LRP1B: variants seen among roughly 807,000 people sequenced by gnomAD.
LRP1B encodes low-density lipoprotein receptor-related protein 1B.
In LRP1B, 217 loss-of-function variants were observed where a neutral mutation model predicts 556.6. The observed-to-expected ratio is 0.39, with a 90% CI of 0.35 to 0.44. The LOEUF is 0.44. Among genes scored for constraint, LRP1B ranks in the 20% least tolerant of loss-of-function variants. LRP1B has a pLI of 1.00. For missense variants in LRP1B, 5,053 were observed against 5,620.8 expected, an observed-to-expected ratio of 0.90 and a Z score of 3.23; for synonymous variants, 2,047 against 1,865.8, an observed-to-expected ratio of 1.10 and a Z score of -2.50.
chr2:140,751,975 A>AT (rs1156681122), intron 35 of LRP1B, among the ~76,000 whole-genome samples: 3 of 151,968 alleles, frequency 2.0e-5, no homozygotes, highest in Admixed American at 6.6e-5. Context: ...TATAGACAGC[A>AT]TTTTTTTTAG....
At chr2:141,839,665 T>C (rs537832277) in intron 1 of LRP1B, among the ~76,000 whole-genome samples, 10 of 152,264 alleles carry the variant, frequency 6.6e-5, no homozygotes, top group African/African-American at 2.2e-4. Flanking sequence ...ATTTCAACTT[T>C]AGCAAGACCT....
chr2:140,972,719 A>AATAGTTTGC (rs386391359), intron 18 of LRP1B, among the ~76,000 whole-genome samples: 5 of 11,834 alleles, frequency 4.2e-4, no homozygotes, highest in African/African-American at 7.9e-4. Context: ...TTGTTAAAAC[A>AATAGTTTGC]ATAGTTTGTC....
At chr2:141,221,957 T>G (rs747244195) in intron 6 of LRP1B, among the ~76,000 whole-genome samples, 2 of 152,122 alleles carry the variant, frequency 1.3e-5, no homozygotes, top group Non-Finnish European at 2.9e-5. Flanking sequence ...TAGCACTAAG[T>G]GCCCACATCA....
At chr2:140,737,736 A>G in intron 35 of LRP1B, among the ~76,000 whole-genome samples, 1 of 152,132 alleles carries the variant, frequency 6.6e-6, no homozygotes. Context: ...GTCACAATGA[A>G]AGACAGGGTG....
chr2:141,247,446 A>G (rs1435951430), intron 4 of LRP1B, 92 bp from the exon 5 acceptor site: 2 of 1,480,586 alleles, frequency 1.4e-6, no homozygotes, highest in Admixed American at 1.9e-5. Context: ...AACTTCGGAA[A>G]TAGACTATTA....
At chr2:140,529,442 G>GGGGGA (rs1553481433) in intron 47 of LRP1B, among the ~76,000 whole-genome samples, 9 of 149,890 alleles carry the variant, frequency 6.0e-5, no homozygotes, top group African/African-American at 2.0e-4. Context: ...AGGGGGGGGG[G>GGGGGA]AAGCATTAAG....
rs1259386547 is a variant in LRP1B, at chr2:140,736,886, G to A, written c.5759-20070C>T. ...AGAGGTCAGATCGTTGTGCTTACCT[G>A]CCAGAAACCAAAAGGCCGTAACTAC... is the stretch of plus-strand genomic sequence containing the variant. On this transcript the variant is annotated intron_variant, in intron 35 of 90. Coordinates refer to ENST00000389484, the MANE Select transcript of LRP1B (RefSeq NM_018557.3). Among the ~76,000 whole-genome samples, 5 of 152,070 alleles carry A rather than the reference G, an allele frequency of 3.3e-5. No homozygotes were observed. In the South Asian group the frequency reaches 1.0e-3, roughly 31 times the overall value.
intron 6 of LRP1B, among the ~76,000 whole-genome samples, chr2:141,216,870 C>A (rs1682837641): frequency 6.6e-6 from 1 of 151,986 alleles, no homozygotes; most frequent in African/African-American, 2.4e-5. Context: ...ATGCATATAC[C>A]TCCATTGTAT....
intron 3 of LRP1B, among the ~76,000 whole-genome samples, chr2:141,454,065 C>T (rs1454233965): frequency 6.6e-6 from 1 of 152,072 alleles, no homozygotes; most frequent in Non-Finnish European, 1.5e-5. Context: ...GCCAACCTTG[C>T]CCCCAAATAT....
chr2:141,143,811 T>C (rs185459095), intron 7 of LRP1B, among the ~76,000 whole-genome samples: 5 of 149,826 alleles, frequency 3.3e-5, no homozygotes, highest in African/African-American at 1.2e-4. Context: ...ACATCAGAAT[T>C]TATCTGTCAA....
chr2:140,957,602 C>T (rs1345693588), intron 18 of LRP1B, among the ~76,000 whole-genome samples: 2 of 151,458 alleles, frequency 1.3e-5, no homozygotes, highest in Non-Finnish European at 3.0e-5. Context: ...TAAATGTATA[C>T]AAAGAATATA....
chr2:141,236,296 T>C (rs991694606), intron 5 of LRP1B, among the ~76,000 whole-genome samples: 1 of 152,150 alleles, frequency 6.6e-6, no homozygotes, highest in Non-Finnish European at 1.5e-5. Context: ...TTACCATTTT[T>C]GTAGTGGGAA....
chr2:141,413,408 T>C (rs1690930685), intron 3 of LRP1B, among the ~76,000 whole-genome samples: 1 of 152,038 alleles, frequency 6.6e-6, no homozygotes, highest in Admixed American at 6.6e-5. Context: ...AATGAGGCCA[T>C]GAGCCAAGCA....
intron 86 of LRP1B, among the ~76,000 whole-genome samples, chr2:140,253,421 G>A (rs939364665): frequency 1.3e-5 from 2 of 151,906 alleles, no homozygotes; most frequent in Admixed American, 6.6e-5. Context: ...TAATAAAATG[G>A]ATTATTTAAA....
intron 1 of LRP1B, among the ~76,000 whole-genome samples, chr2:141,946,369 G>A (rs1192967872): frequency 6.6e-6 from 1 of 152,190 alleles, no homozygotes; most frequent in African/African-American, 2.4e-5. Context: ...ATTAAGAAAA[G>A]TGCCTCTGTT....
intron 55 of LRP1B, among the ~76,000 whole-genome samples, chr2:140,496,845 C>T (rs1336313935): frequency 6.6e-6 from 1 of 151,790 alleles, no homozygotes; most frequent in African/African-American, 2.4e-5. Flanking sequence ...TCAAAAGTAA[C>T]TAGTATTCAA....
At chr2:141,347,462 C>T (rs1688295100) in intron 3 of LRP1B, among the ~76,000 whole-genome samples, 1 of 151,534 alleles carries the variant, frequency 6.6e-6, no homozygotes, top group Non-Finnish European at 1.5e-5. Flanking sequence ...ACAGTAACCT[C>T]TTACAATTCT....
intron 36 of LRP1B, 149 bp downstream of exon 36, chr2:140,716,533 G>T: frequency 1.4e-6 from 1 of 698,880 alleles, no homozygotes; most frequent in South Asian, 3.1e-5. Flanking sequence ...TAGAAGGAGC[G>T]AAGCCAAAAG....
At chr2:141,401,358 T>C (rs560944391) in intron 3 of LRP1B, among the ~76,000 whole-genome samples, 1 of 152,290 alleles carries the variant, frequency 6.6e-6, no homozygotes, top group Non-Finnish European at 1.5e-5. Context: ...GTAGAACAAA[T>C]CTTCTAAATA....
Sources: gnomAD v4.1 joint callset for allele counts (sites outside exome capture counted in the v4.1 genomes callset) on GRCh38, gnomAD v4.1.1 for gene constraint, MANE v1.5 for transcripts, NCBI Gene and HGNC (gene_info 2026-07-23, HGNC 2026-07-21) for gene names.